Variants in ST6GALNAC3 observed in about 807,000 individuals in gnomAD.
The protein encoded by ST6GALNAC3 is alpha-N-acetylgalactosaminide alpha-2,6-sialyltransferase 3.
In ST6GALNAC3, 25 loss-of-function variants were observed where a neutral mutation model predicts 32.7. The ratio of observed to expected loss-of-function variants is 0.76; its 90% CI spans 0.56 to 1.07. The LOEUF (loss-of-function observed/expected upper bound fraction) is 1.07, where lower values mean the gene tolerates loss of function less well. Among genes scored for constraint, ST6GALNAC3 ranks in the 50% least tolerant of loss-of-function variants. The pLI, the probability that ST6GALNAC3 is intolerant of heterozygous loss-of-function variation, is 0.00. For synonymous variants in ST6GALNAC3, 129 were observed against 133.1 expected (o/e 0.97, Z 0.21); for missense variants, 355 against 382.4 (o/e 0.93, Z 0.60).
chr1:76,535,881 G>T (rs1663564386), intron 3 of ST6GALNAC3, among the ~76,000 whole-genome samples: 1 of 151,960 alleles, frequency 6.6e-6, no homozygotes, highest in Non-Finnish European at 1.5e-5. Flanking sequence ...AAATGGTATT[G>T]GTAATGGGCT....
In ST6GALNAC3 at chr1:76,188,508, T is replaced by C. The variant is rs77718361; in HGVS notation, c.18+113624T>C. ...GTATATGCGAAATTGATCTTCCATT[T>C]ACCTACTCTTTTAAGCACTTGGGCC... On this transcript the variant is annotated intron_variant, in intron 1 of 4. Coordinates refer to ENST00000328299, the MANE Select transcript of ST6GALNAC3 (RefSeq NM_152996.4). 3.1e-3 allele frequency among the ~76,000 whole-genome samples: 473 copies of C among 152,326 alleles called. 3 individuals carry two copies. The highest frequency in any genetic ancestry group is 5.6e-3 in the Non-Finnish European group (378 of 68,020).
chr1:76,377,549 A>G (rs1036115513), intron 2 of ST6GALNAC3, among the ~76,000 whole-genome samples: 2 of 152,122 alleles, frequency 1.3e-5, no homozygotes, highest in South Asian at 4.2e-4. Flanking sequence ...GCAAGGGGGA[A>G]GTTTGCCTCC....
intron 3 of ST6GALNAC3, among the ~76,000 whole-genome samples, chr1:76,493,772 A>G (rs1660640987): frequency 6.6e-6 from 1 of 152,108 alleles, no homozygotes; most frequent in African/African-American, 2.4e-5. Flanking sequence ...TCATTTTAAC[A>G]TGCATATTAA....
chr1:76,598,986 T>A (rs1647179072), intron 3 of ST6GALNAC3, among the ~76,000 whole-genome samples: 1 of 152,186 alleles, frequency 6.6e-6, no homozygotes, highest in Admixed American at 6.5e-5. Flanking sequence ...AGTATTGAAA[T>A]ATTTATTTTT....
At chr1:76,309,257 A>G (rs1317877684) in intron 1 of ST6GALNAC3, among the ~76,000 whole-genome samples, 1 of 152,042 alleles carries the variant, frequency 6.6e-6, no homozygotes, top group Non-Finnish European at 1.5e-5. Context: ...TGTGTCTTTT[A>G]TGGTTTTATT....
rs2101752343 is a variant in ST6GALNAC3, at chr1:76,509,846, A to G, written c.623+97429A>G. On this transcript the variant is annotated intron_variant, in intron 3 of 4. Coordinates refer to ENST00000328299, the MANE Select transcript of ST6GALNAC3 (RefSeq NM_152996.4). This position sits in a 1 kb window ranked among gnomAD's most constrained non-coding sequence, Gnocchi z 5.5. ...CTCTTTTAAGGACCCCCATGGTTAC[A>G]TTGGGCCAGAATAATCCTTCAAATT... Among the ~76,000 whole-genome samples, 1 of 152,254 alleles carries G rather than the reference A, an allele frequency of 6.6e-6. No individual in the cohort carries two copies. Among genetic ancestry groups the G allele is most frequent in the East Asian group, 1.9e-4 (1 of 5,174 alleles).
intron 1 of ST6GALNAC3, among the ~76,000 whole-genome samples, chr1:76,192,628 G>T (rs1282250469): frequency 6.6e-6 from 1 of 152,140 alleles, no homozygotes; most frequent in African/African-American, 2.4e-5. Context: ...AAGATGTTTT[G>T]TTTCTGAGGA....
At chr1:76,478,760 CTTT>C (rs397861238) in intron 3 of ST6GALNAC3, among the ~76,000 whole-genome samples, 5 of 109,084 alleles carry the variant, frequency 4.6e-5, no homozygotes, top group Admixed American at 1.0e-4. Context: ...TTTATTAATT[CTTT>C]TTTTTTTTTT....
At chr1:76,479,934 A>C (rs1272036590) in intron 3 of ST6GALNAC3, among the ~76,000 whole-genome samples, 1 of 152,196 alleles carries the variant, frequency 6.6e-6, no homozygotes, top group Non-Finnish European at 1.5e-5. Context: ...ATAAAAAGCA[A>C]ATAATCTTTA....
In ST6GALNAC3 at chr1:76,629,425, G is replaced by T; in HGVS notation, c.*619G>T. ...ATTTCATGGACATCCTACACTTCAG[G>T]ATTACTTGACTATCTCAAACACATA... On this transcript the variant is annotated 3_prime_UTR_variant, in exon 5 of 5. Transcript: ENST00000328299. The T allele has an allele frequency of 1.0e-6, 1 of 985,558 alleles. No homozygotes were observed. The allele number at this position is 985,558 out of a possible 1,614,324, so 61.1% of individuals were successfully genotyped here.
rs315020 is a variant in ST6GALNAC3, at chr1:76,571,745, T to C, written c.624-55707T>C. ...GAGTGAATTTATTATCATCCTGGTA[T>C]GTACATGTTAACTCAAAATTATTGT... On this transcript the variant is annotated intron_variant, in intron 3 of 4. Transcript: ENST00000328299. 1.6e-4 allele frequency among the ~76,000 whole-genome samples: 25 copies of C among 152,116 alleles called. 2 individuals carry two copies. The highest frequency in any genetic ancestry group is 5.8e-4 in the African/African-American group (24 of 41,498).
intron 3 of ST6GALNAC3, among the ~76,000 whole-genome samples, chr1:76,415,874 T>C (rs1421720145): frequency 2.0e-5 from 3 of 152,044 alleles, no homozygotes; most frequent in African/African-American, 4.8e-5. Flanking sequence ...TGTTTAAAGA[T>C]AAAATCGTTA....
intron 3 of ST6GALNAC3, among the ~76,000 whole-genome samples, chr1:76,563,573 C>T (rs1272089965): frequency 6.6e-6 from 1 of 152,100 alleles, no homozygotes; most frequent in African/African-American, 2.4e-5. Context: ...CTCTTATGCT[C>T]CCAAACAGTA....
intron 3 of ST6GALNAC3, among the ~76,000 whole-genome samples, chr1:76,525,791 G>GTGTGTGTATATATATATATA (rs1438917629): frequency 1.3e-5 from 1 of 75,530 alleles, no homozygotes; most frequent in Non-Finnish European, 3.0e-5. Flanking sequence ...GTGTGTGTGT[G>GTGTGTGTATATATATATATA]TATATATATA....
At chr1:76,449,390 G>A (rs1483426903) in intron 3 of ST6GALNAC3, among the ~76,000 whole-genome samples, 1 of 152,188 alleles carries the variant, frequency 6.6e-6, no homozygotes, top group African/African-American at 2.4e-5. Flanking sequence ...AAACATTCAT[G>A]TGCAAAATTT....
At chr1:76,496,662 C>G (rs1205534354) in intron 3 of ST6GALNAC3, among the ~76,000 whole-genome samples, 4 of 152,054 alleles carry the variant, frequency 2.6e-5, no homozygotes, top group Admixed American at 2.6e-4. Flanking sequence ...GGACACCCAT[C>G]TCAAAAAGGT....
intron 1 of ST6GALNAC3, among the ~76,000 whole-genome samples, chr1:76,156,260 G>C (rs1651414900): frequency 6.6e-6 from 1 of 152,128 alleles, no homozygotes; most frequent in African/African-American, 2.4e-5. Flanking sequence ...GACGGTGTTT[G>C]TCAGGTTTCT....
intron 2 of ST6GALNAC3, among the ~76,000 whole-genome samples, chr1:76,387,434 T>C (rs1652185360): frequency 6.6e-6 from 1 of 152,164 alleles, no homozygotes; most frequent in East Asian, 1.9e-4. Context: ...TATCTTTTGC[T>C]ATATGGATAG....
At chr1:76,361,883 C>A (rs1175898716) in intron 2 of ST6GALNAC3, among the ~76,000 whole-genome samples, 3 of 150,664 alleles carry the variant, frequency 2.0e-5, no homozygotes, top group Non-Finnish European at 4.4e-5. Context: ...GAGGCTGAAG[C>A]AGGAGAATCA....
Sources: allele counts gnomAD v4.1 joint callset (sites outside exome capture counted in the v4.1 genomes callset), GRCh38; gene constraint gnomAD v4.1.1; non-coding constraint Gnocchi (gnomAD v3.1); transcripts MANE v1.5; gene names NCBI Gene and HGNC (gene_info 2026-07-23, HGNC 2026-07-21).